AGBL1: variants seen among roughly 807,000 people sequenced by gnomAD.
AGBL1 encodes the protein cytosolic carboxypeptidase 4.
A neutral mutation model predicts 118.9 loss-of-function variants in AGBL1; 130 were observed. The ratio of observed to expected loss-of-function variants is 1.09; its 90% confidence interval spans 0.95 to 1.26. The LOEUF is 1.26. Among genes scored for constraint, AGBL1 ranks in the 50% most tolerant of loss-of-function variants. The pLI is 0.00. For synonymous variants in AGBL1, 555 were observed against 478.9 expected, an observed-to-expected ratio of 1.16 and a Z score of -2.08; for missense variants, 1,584 against 1,298.1, an observed-to-expected ratio of 1.22 and a Z score of -3.38.
intron 22 of AGBL1, among the ~76,000 whole-genome samples, chr15:86,685,499 C>G (rs1442105031): frequency 6.6e-6 from 1 of 152,024 alleles, no homozygotes; most frequent in Non-Finnish European, 1.5e-5. Context: ...GGCTTTGAAT[C>G]AGAAAAGCTG....
chr15:86,222,299 C>G lies in AGBL1; in HGVS notation c.489-2615C>G, dbSNP rs73447622. 4.9e-3 allele frequency among the ~76,000 whole-genome samples: 747 copies of G among 152,308 alleles called. 7 individuals are homozygous for G. Among genetic ancestry groups the G allele is most frequent in the African/African-American group, 0.017 (713 of 41,560 alleles). ...TGTAGCCTTCTGTTGTACCCTTCATCTTGAACTCAGCACCAAAATCAAAAT... is the reference window on the plus strand; with the variant it reads ...TGTAGCCTTCTGTTGTACCCTTCATGTTGAACTCAGCACCAAAATCAAAAT... On this transcript the variant is annotated intron_variant, in intron 5 of 22. Coordinates refer to ENST00000614907, the MANE Select transcript of AGBL1 (RefSeq NM_001386094.1).
chr15:86,188,821 A>G (rs1164512456), intron 5 of AGBL1, among the ~76,000 whole-genome samples: 3 of 152,184 alleles, frequency 2.0e-5, no homozygotes, highest in East Asian at 1.9e-4. Context: ...AACTATTTTC[A>G]AAGTGTGAGA....
intron 24 of AGBL1, among the ~76,000 whole-genome samples, chr15:86,989,390 G>C (rs2081316159): frequency 6.6e-6 from 1 of 151,954 alleles, no homozygotes; most frequent in Admixed American, 6.6e-5. Flanking sequence ...GGTTAGTAGA[G>C]TTTTCTTCTA....
At chr15:87,008,870 G>A (rs1015742749) in intron 24 of AGBL1, among the ~76,000 whole-genome samples, 7 of 152,166 alleles carry the variant, frequency 4.6e-5, no homozygotes, top group African/African-American at 1.7e-4. Flanking sequence ...AGATGATTTA[G>A]GGTATCTGGC....
At chr15:86,353,028 T>C (rs1449337171) in intron 17 of AGBL1, among the ~76,000 whole-genome samples, 1 of 152,224 alleles carries the variant, frequency 6.6e-6, no homozygotes, top group East Asian at 1.9e-4. Flanking sequence ...TTGTGGAGTA[T>C]GTTGTTATTT....
chr15:86,562,252 C>T (rs1030098812), intron 21 of AGBL1, among the ~76,000 whole-genome samples: 3 of 152,158 alleles, frequency 2.0e-5, no homozygotes, highest in African/African-American at 7.2e-5. Context: ...CAGTTTTCAC[C>T]CATTCAGTAT....
intron 22 of AGBL1, among the ~76,000 whole-genome samples, chr15:86,798,848 C>T (rs6496366): frequency 0.97 from 146,431 of 151,180 alleles, 70,920 homozygotes; most frequent in East Asian, 1. Flanking sequence ...TTGTTGTTGT[C>T]GTTTGTCCGT....
intron 22 of AGBL1, among the ~76,000 whole-genome samples, chr15:86,892,945 A>G (rs2080071563): frequency 6.6e-6 from 1 of 152,144 alleles, no homozygotes; most frequent in Non-Finnish European, 1.5e-5. Flanking sequence ...GAGTTGTGTA[A>G]TAGGCTGCTC....
At chr15:87,029,987 T>C (rs1254575171), downstream of AGBL1, among the ~76,000 whole-genome samples, 2 of 151,986 alleles carry the variant, frequency 1.3e-5, no homozygotes, top group Admixed American at 6.6e-5. Flanking sequence ...TGAAATTTCA[T>C]TGATTCTTTT....
At chr15:86,863,109 T>G (rs1353377336) in intron 22 of AGBL1, among the ~76,000 whole-genome samples, 2 of 152,160 alleles carry the variant, frequency 1.3e-5, no homozygotes, top group Admixed American at 6.5e-5. Context: ...ATTAGAGAGA[T>G]AGATTCCATG....
intron 1 of AGBL1, among the ~76,000 whole-genome samples, chr15:86,132,819 A>T (rs1184364182): frequency 6.6e-6 from 1 of 151,910 alleles, no homozygotes; most frequent in East Asian, 1.9e-4. Context: ...TGTTTTGTTT[A>T]TTTTTTTTCT....
chr15:86,677,881 A>G (rs2085877553), intron 22 of AGBL1, among the ~76,000 whole-genome samples: 1 of 152,182 alleles, frequency 6.6e-6, no homozygotes, highest in Admixed American at 6.5e-5. Context: ...GAATGAGAAA[A>G]TGAAATTAGG....
intron 23 of AGBL1, among the ~76,000 whole-genome samples, chr15:86,969,754 G>A (rs984061360): frequency 6.6e-6 from 1 of 151,888 alleles, no homozygotes; most frequent in South Asian, 2.1e-4. Context: ...GGTGGAAGTG[G>A]GAAGAAGGAG....
intron 22 of AGBL1, among the ~76,000 whole-genome samples, chr15:86,893,597 T>A (rs2080082383): frequency 6.6e-6 from 1 of 152,198 alleles, no homozygotes; most frequent in Non-Finnish European, 1.5e-5. Flanking sequence ...CTGTATAGGC[T>A]GGCTTGGAAG....
At chr15:86,790,642 G>A (rs922574131) in intron 22 of AGBL1, among the ~76,000 whole-genome samples, 3 of 151,924 alleles carry the variant, frequency 2.0e-5, no homozygotes, top group Non-Finnish European at 4.4e-5. Flanking sequence ...ATTTCCATTG[G>A]AATACTAATA....
intron 6 of AGBL1, among the ~76,000 whole-genome samples, chr15:86,236,945 GGGGGGGC>G (rs1252842144): frequency 0.013 from 506 of 40,106 alleles, 46 homozygotes; most frequent in South Asian, 0.038. Context: ...GGGGGGGCGG[GGGGGGGC>G]GGGGGGGCGC....
rs77583440 is a variant in AGBL1 at position 86,469,827 on chromosome 15, A to G, written c.2556-52983A>G. 8.9e-3 allele frequency among the ~76,000 whole-genome samples: 1,351 copies of G among 152,240 alleles called. 36 individuals carry two copies. The highest frequency in any genetic ancestry group is 0.031 in the African/African-American group (1,277 of 41,564). ...TTTAACTTGCGTTTCCCAGATGATT[A>G]GTGAAGTTGAACTTTTTTTTATCTA... On this transcript the variant is annotated intron_variant, in intron 18 of 22. Transcript: ENST00000614907.
At chr15:86,580,754 T>A (rs2084162218) in intron 21 of AGBL1, among the ~76,000 whole-genome samples, 1 of 146,948 alleles carries the variant, frequency 6.8e-6, no homozygotes, top group African/African-American at 2.7e-5. Flanking sequence ...ATACAAGAAA[T>A]TTTTGTTAAC....
chr15:86,754,175 T>A (rs1412526914), intron 22 of AGBL1, among the ~76,000 whole-genome samples: 1 of 152,104 alleles, frequency 6.6e-6, no homozygotes, highest in South Asian at 2.1e-4. Context: ...ATTTTAAAAT[T>A]ATCAACAAAT....
Sources: gnomAD v4.1 joint callset for allele counts (sites outside exome capture counted in the v4.1 genomes callset) on GRCh38, gnomAD v4.1.1 for gene constraint, MANE v1.5 for transcripts, NCBI Gene and HGNC (gene_info 2026-07-23, HGNC 2026-07-21) for gene names.